Variants in RBFOX3 observed in about 807,000 individuals in gnomAD.
RBFOX3 encodes the protein RNA binding fox-1 homolog 3.
A neutral mutation model predicts 48.7 loss-of-function variants in RBFOX3; 17 were observed. The observed-to-expected ratio is 0.35, with a 90% CI of 0.24 to 0.52. The LOEUF (loss-of-function observed/expected upper bound fraction) is 0.52. RBFOX3 is among the 20% of genes least tolerant of loss of function. RBFOX3 has a pLI of 0.94. For missense variants in RBFOX3, 382 were observed against 497.5 expected (o/e 0.77, Z 2.21); for synonymous variants, 212 against 209.5 (o/e 1.01, Z -0.10).
intron 4 of RBFOX3, among the ~76,000 whole-genome samples, chr17:79,126,303 G>T (rs1310120419): frequency 1.3e-5 from 2 of 152,226 alleles, no homozygotes; most frequent in Non-Finnish European, 2.9e-5. Flanking sequence ...AGTCTGGGGT[G>T]GGGGCCAGAG....
intron 1 of RBFOX3, among the ~76,000 whole-genome samples, chr17:79,556,747 T>A (rs1944058445): frequency 1.3e-5 from 2 of 152,156 alleles, no homozygotes; most frequent in South Asian, 4.1e-4. Flanking sequence ...AGCACATCTA[T>A]CAACGTCTTG....
chr17:79,653,363 G>T, the RBFOX3 span, among the ~76,000 whole-genome samples: 1 of 152,162 alleles, frequency 6.6e-6, no homozygotes, highest in Non-Finnish European at 1.5e-5. Flanking sequence ...TACGTGGAAG[G>T]TTGTATGAAA....
At chr17:79,308,924 G>C (rs1256288016) in intron 2 of RBFOX3, among the ~76,000 whole-genome samples, 1 of 152,092 alleles carries the variant, frequency 6.6e-6, no homozygotes, top group East Asian at 1.9e-4. Flanking sequence ...TTCAAGACCA[G>C]TCTGACGAAC....
chr17:79,094,872 G>A (rs1041892930), intron 13 of RBFOX3, among the ~76,000 whole-genome samples: 1 of 152,124 alleles, frequency 6.6e-6, no homozygotes, highest in Non-Finnish European at 1.5e-5. Flanking sequence ...ACCCCAAAAA[G>A]AATGTGGTAA....
At chr17:79,210,828 A>C (rs756069603) in intron 4 of RBFOX3, among the ~76,000 whole-genome samples, 1 of 151,600 alleles carries the variant, frequency 6.6e-6, no homozygotes, top group African/African-American at 2.4e-5. Flanking sequence ...CGAGTTTTGG[A>C]GTTTCCAACA....
chr17:79,626,066 T>G, the RBFOX3 span, among the ~76,000 whole-genome samples: 1 of 152,140 alleles, frequency 6.6e-6, no homozygotes, highest in Non-Finnish European at 1.5e-5. Context: ...ACATTAAAAT[T>G]ATTAAGACTG....
the RBFOX3 span, among the ~76,000 whole-genome samples, chr17:79,618,024 A>G: frequency 6.6e-6 from 1 of 152,166 alleles, no homozygotes; most frequent in African/African-American, 2.4e-5. Context: ...TCTGACATTT[A>G]TCTTCTCCAG....
At chr17:79,256,104 G>A (rs1255922724) in intron 3 of RBFOX3, among the ~76,000 whole-genome samples, 1 of 151,838 alleles carries the variant, frequency 6.6e-6, no homozygotes, top group Non-Finnish European at 1.5e-5. Context: ...TGGTAGGGAA[G>A]CCCCAGCCCA....
At chr17:79,380,071 CA>C (rs919694920) in intron 2 of RBFOX3, among the ~76,000 whole-genome samples, 2 of 152,098 alleles carry the variant, frequency 1.3e-5, no homozygotes, top group African/African-American at 4.8e-5. Context: ...AGCCCCACTG[CA>C]GCCCCTTCCT....
the RBFOX3 span, among the ~76,000 whole-genome samples, chr17:79,663,306 C>G: frequency 6.6e-6 from 1 of 152,128 alleles, no homozygotes; most frequent in African/African-American, 2.4e-5. Flanking sequence ...GATGAAGTCC[C>G]AGGTGACTGA....
At chr17:79,213,847 G>A (rs998480971) in intron 4 of RBFOX3, among the ~76,000 whole-genome samples, 3 of 152,182 alleles carry the variant, frequency 2.0e-5, no homozygotes, top group South Asian at 2.1e-4. Context: ...CTTTCCAGCC[G>A]GCCACACTCC....
chr17:79,510,981 C>T (rs950849568), intron 1 of RBFOX3, among the ~76,000 whole-genome samples: 3 of 152,202 alleles, frequency 2.0e-5, no homozygotes, highest in African/African-American at 7.2e-5. Context: ...CCAAGAACCT[C>T]GGCCTCCTTT....
chr17:79,330,912 G>A (rs188578669), intron 2 of RBFOX3, among the ~76,000 whole-genome samples: 285 of 152,300 alleles, frequency 1.9e-3, no homozygotes, highest in African/African-American at 6.6e-3. Flanking sequence ...CGTCGGCCAC[G>A]TCTCGCTGTG....
At chr17:79,136,884 C>G (rs908812403) in intron 4 of RBFOX3, among the ~76,000 whole-genome samples, 10 of 152,182 alleles carry the variant, frequency 6.6e-5, no homozygotes, top group African/African-American at 2.4e-4. Flanking sequence ...GGCCACCCCT[C>G]TCACAGTCTT....
At chr17:79,405,975 T>C (rs2063487677) in intron 2 of RBFOX3, among the ~76,000 whole-genome samples, 1 of 152,232 alleles carries the variant, frequency 6.6e-6, no homozygotes, top group East Asian at 1.9e-4. Flanking sequence ...GCTCCTTTCA[T>C]GCTACATCAG....
intron 4 of RBFOX3, among the ~76,000 whole-genome samples, chr17:79,122,980 C>T (rs184514556): frequency 1.3e-4 from 20 of 151,720 alleles, no homozygotes; most frequent in African/African-American, 3.9e-4. Flanking sequence ...CATGTTCTCA[C>T]TTATTTGTGG....
At chr17:79,197,048 G>A (rs568561961) in intron 4 of RBFOX3, among the ~76,000 whole-genome samples, 10 of 152,202 alleles carry the variant, frequency 6.6e-5, no homozygotes, top group South Asian at 2.1e-4. Context: ...GTATCTGCCC[G>A]GGAGGAATGG....
chr17:79,485,781 G>A (rs899607458), intron 1 of RBFOX3, among the ~76,000 whole-genome samples: 11 of 152,330 alleles, frequency 7.2e-5, no homozygotes, highest in South Asian at 2.1e-4. Context: ...CCCTGCCTGC[G>A]CTCGAGCCTC....
intron 1 of RBFOX3, among the ~76,000 whole-genome samples, chr17:79,487,985 C>T (rs1415007788): frequency 6.6e-6 from 1 of 150,680 alleles, no homozygotes; most frequent in Admixed American, 6.6e-5. Flanking sequence ...CACTGATTTG[C>T]ATCTGACGAC....
Sources: allele counts gnomAD v4.1 joint callset (sites outside exome capture counted in the v4.1 genomes callset), GRCh38; gene constraint gnomAD v4.1.1; transcripts MANE v1.5; gene names NCBI Gene and HGNC (gene_info 2026-07-23, HGNC 2026-07-21).